Variants in DAB1 observed in about 807,000 individuals in gnomAD.
The protein encoded by DAB1 is disabled homolog 1.
In DAB1, 15 loss-of-function variants were observed where a neutral mutation model predicts 64.6. The ratio of observed to expected loss-of-function variants is 0.23; its 90% CI spans 0.16 to 0.36. The LOEUF is 0.36. DAB1 is among the 10% of genes least tolerant of loss of function. DAB1 has a pLI of 1.00. For missense variants in DAB1, 596 were observed against 706.7 expected, an observed-to-expected ratio of 0.84 and a Z score of 1.78; for synonymous variants, 235 against 251.9, an observed-to-expected ratio of 0.93 and a Z score of 0.64.
chr1:58,023,978 A>C (rs1023018155), intron 5 of DAB1, among the ~76,000 whole-genome samples: 1 of 152,178 alleles, frequency 6.6e-6, no homozygotes, highest in African/African-American at 2.4e-5. Context: ...ACAACTGTCA[A>C]ACCCAGCCTC....
intron 5 of DAB1, among the ~76,000 whole-genome samples, chr1:57,935,524 GAGA>G (rs1459021820): frequency 2.0e-5 from 3 of 152,292 alleles, no homozygotes; most frequent in East Asian, 1.9e-4. Flanking sequence ...TCAGTGTTAG[GAGA>G]AGGAGAAAAG....
intron 3 of DAB1, among the ~76,000 whole-genome samples, chr1:58,488,192 T>C (rs997270060): frequency 8.5e-5 from 13 of 152,186 alleles, no homozygotes; most frequent in African/African-American, 2.4e-4. Flanking sequence ...CATCCTCTTA[T>C]TGTTTATAGA....
At chr1:57,347,310 C>T (rs1162185967) in intron 1 of DAB1, among the ~76,000 whole-genome samples, 2 of 152,162 alleles carry the variant, frequency 1.3e-5, no homozygotes, top group African/African-American at 2.4e-5. Context: ...TAATACTTGC[C>T]CTGCCTACCT....
chr1:57,221,406 A>T (rs952902883), intron 2 of DAB1, among the ~76,000 whole-genome samples: 10 of 152,102 alleles, frequency 6.6e-5, no homozygotes, highest in South Asian at 2.1e-4. Context: ...TAATAATTTT[A>T]AAAAAGGCTA....
chr1:57,351,223 T>C (rs752438370), intron 1 of DAB1, among the ~76,000 whole-genome samples: 57 of 152,290 alleles, frequency 3.7e-4, no homozygotes, highest in Non-Finnish European at 4.4e-4. Flanking sequence ...CTCCAAAGAC[T>C]TGATCTTTAA....
chr1:58,282,744 A>G (rs1661591879), intron 4 of DAB1, among the ~76,000 whole-genome samples: 1 of 152,190 alleles, frequency 6.6e-6, no homozygotes, highest in Non-Finnish European at 1.5e-5. Context: ...AATAAAAGAC[A>G]TGCCATTCAC....
At chr1:58,533,185 A>T (rs1159440756) in intron 1 of DAB1, among the ~76,000 whole-genome samples, 1 of 152,232 alleles carries the variant, frequency 6.6e-6, no homozygotes, top group African/African-American at 2.4e-5. Flanking sequence ...AGATGAACAG[A>T]CATGTATTCA....
chr1:57,159,858 A>C (rs1430472914), intron 2 of DAB1, among the ~76,000 whole-genome samples: 1 of 50,204 alleles, frequency 2.0e-5, no homozygotes, highest in Non-Finnish European at 4.6e-5. Flanking sequence ...CAGCAAGACA[A>C]AAAAAAAAAA....
downstream of DAB1, among the ~76,000 whole-genome samples, chr1:57,825,416 G>A (rs1652300687): frequency 6.6e-6 from 1 of 152,198 alleles, no homozygotes; most frequent in Non-Finnish European, 1.5e-5. Flanking sequence ...ACTGTATAGA[G>A]GAAGGCACAC....
rs12084854 is a variant in DAB1 at position 57,679,547 on chromosome 1, G to A, written n.552-29882C>T. ...GGAGAAAAGTGTTGTTACCAAATAA[G>A]AACCACTGAATTAATGCTAAAGTTT... On this transcript the variant is annotated intron_variant and non_coding_transcript_variant, in intron 6 of 20. Coordinates refer to the DAB1 transcript ENST00000485760. 3.7e-3 allele frequency among the ~76,000 whole-genome samples: 563 copies of A among 152,290 alleles called. 2 individuals carry two copies. The highest frequency in any genetic ancestry group is 0.013 in the African/African-American group (539 of 41,550).
At chr1:58,316,464 G>A (rs1415825998) in intron 4 of DAB1, among the ~76,000 whole-genome samples, 2 of 152,194 alleles carry the variant, frequency 1.3e-5, no homozygotes, top group African/African-American at 4.8e-5. Flanking sequence ...CAGGCTGGGT[G>A]CTGGGGACAC....
At chr1:58,288,507 G>A (rs1173675611) in intron 4 of DAB1, among the ~76,000 whole-genome samples, 1 of 152,136 alleles carries the variant, frequency 6.6e-6, no homozygotes, top group Non-Finnish European at 1.5e-5. Context: ...GGAAGAATCA[G>A]CTCTCAAAAT....
At chr1:57,070,932 G>T in intron 7 of DAB1, 91 bp downstream of exon 7, 2 of 1,134,192 alleles carry the variant, frequency 1.8e-6, no homozygotes, top group Non-Finnish European at 2.7e-6. Flanking sequence ...AGGTTTTGCA[G>T]TCAGTGGATT....
intron 7 of DAB1, among the ~76,000 whole-genome samples, chr1:57,614,761 T>C (rs1645769222): frequency 6.6e-6 from 1 of 152,088 alleles, no homozygotes; most frequent in Non-Finnish European, 1.5e-5. Context: ...TAGCGACCAC[T>C]GGTTTGGGGC....
chr1:57,438,594 G>A (rs563703675), intron 7 of DAB1, among the ~76,000 whole-genome samples: 1 of 152,238 alleles, frequency 6.6e-6, no homozygotes, highest in South Asian at 2.1e-4. Flanking sequence ...GAAGGAGGAG[G>A]AGGAGGAAGA....
intron 6 of DAB1, among the ~76,000 whole-genome samples, chr1:57,789,864 G>A (rs932674951): frequency 1.2e-4 from 19 of 152,308 alleles, no homozygotes; most frequent in African/African-American, 4.3e-4. Context: ...AAGATTTCTT[G>A]TCAGGAAAGG....
intron 4 of DAB1, among the ~76,000 whole-genome samples, chr1:57,100,839 A>G (rs1042183713): frequency 2.0e-5 from 3 of 152,134 alleles, no homozygotes; most frequent in Admixed American, 2.0e-4. Context: ...TGCTTGGGAA[A>G]TAAGATCCAT....
chr1:57,636,115 A>AAAAC (rs1553202408), intron 7 of DAB1, among the ~76,000 whole-genome samples: 21 of 145,182 alleles, frequency 1.4e-4, no homozygotes, highest in Non-Finnish European at 2.4e-4. Flanking sequence ...AAAAAAAAAC[A>AAAAC]AAAACAAAAA....
chr1:58,516,859 C>T (rs1182384259), intron 2 of DAB1, among the ~76,000 whole-genome samples: 1 of 152,168 alleles, frequency 6.6e-6, no homozygotes, highest in Non-Finnish European at 1.5e-5. Flanking sequence ...CCAGCAAGAG[C>T]ACATGCATCT....
Sources: gnomAD v4.1 joint callset for allele counts (sites outside exome capture counted in the v4.1 genomes callset) on GRCh38, gnomAD v4.1.1 for gene constraint, MANE v1.5 for transcripts, NCBI Gene and HGNC (gene_info 2026-07-23, HGNC 2026-07-21) for gene names.